The following GPC6 variants were observed in gnomAD, a reference collection of about 807,000 sequenced individuals.
The protein encoded by GPC6 is glypican-6.
Under a neutral mutation model 55.2 loss-of-function variants are expected in GPC6, and 14 were observed. The ratio of observed to expected loss-of-function variants is 0.25; its 90% confidence interval spans 0.17 to 0.40. GPC6 has a LOEUF of 0.40. Ranked by LOEUF, GPC6 falls within the 10% of genes least tolerant of loss-of-function variation. GPC6 has a pLI of 1.00. For missense variants in GPC6, 641 were observed against 708.5 expected, an observed-to-expected ratio of 0.90 and a Z score of 1.08; for synonymous variants, 278 against 259.6, an observed-to-expected ratio of 1.07 and a Z score of -0.68.
intron 1 of GPC6, among the ~76,000 whole-genome samples, chr13:93,377,328 T>C (rs1874951878): frequency 6.6e-6 from 1 of 152,160 alleles, no homozygotes; most frequent in Admixed American, 6.5e-5. Context: ...GTTATGAAGC[T>C]CTACATCTTG....
chr13:93,713,356 C>T (rs140314950), intron 2 of GPC6, among the ~76,000 whole-genome samples: 4 of 151,574 alleles, frequency 2.6e-5, no homozygotes, highest in Middle Eastern at 3.4e-3. Context: ...GTTAATAAAG[C>T]AAGATCTGGT....
chr13:93,848,569 T>C (rs1490485390), intron 3 of GPC6, among the ~76,000 whole-genome samples: 1 of 152,090 alleles, frequency 6.6e-6, no homozygotes. Context: ...GTCCTGGCAG[T>C]ATATTACTTA....
intron 4 of GPC6, among the ~76,000 whole-genome samples, chr13:94,059,678 T>C (rs1331116168): frequency 6.6e-6 from 1 of 151,946 alleles, no homozygotes; most frequent in Non-Finnish European, 1.5e-5. Context: ...GTGCTAGATT[T>C]GTTGTCTTGT....
At chr13:94,087,349 AC>A (rs1885324847) in intron 4 of GPC6, among the ~76,000 whole-genome samples, 1 of 152,240 alleles carries the variant, frequency 6.6e-6, no homozygotes, top group Non-Finnish European at 1.5e-5. Flanking sequence ...TGATTAAGTC[AC>A]CTCTAAGGTG....
At chr13:93,797,989 C>T (rs768887438) in intron 2 of GPC6, among the ~76,000 whole-genome samples, 6 of 152,054 alleles carry the variant, frequency 3.9e-5, no homozygotes, top group Non-Finnish European at 5.9e-5. Flanking sequence ...TTCTGAGGGA[C>T]GGAAGCACAG....
chr13:93,889,187 A>G (rs943685813), intron 3 of GPC6, among the ~76,000 whole-genome samples: 4 of 152,102 alleles, frequency 2.6e-5, no homozygotes, highest in African/African-American at 9.7e-5. Context: ...AAACATTTAT[A>G]TACTCACTGC....
intron 4 of GPC6, among the ~76,000 whole-genome samples, chr13:94,269,629 G>T (rs1891929855): frequency 1.3e-5 from 2 of 151,986 alleles, no homozygotes; most frequent in African/African-American, 4.8e-5. Flanking sequence ...GCTTTCATTT[G>T]TCTCGACCAC....
At chr13:94,340,872 C>T (rs1877999713) in intron 6 of GPC6, among the ~76,000 whole-genome samples, 2 of 152,184 alleles carry the variant, frequency 1.3e-5, no homozygotes, top group Admixed American at 6.5e-5. Context: ...TTAATATGCG[C>T]CCCTTGCTAA....
intron 3 of GPC6, among the ~76,000 whole-genome samples, chr13:93,848,133 C>CAAAAAAG (rs1225572671): frequency 2.0e-5 from 3 of 152,062 alleles, no homozygotes; most frequent in Non-Finnish European, 4.4e-5. Context: ...ACTTCTGAGT[C>CAAAAAAG]AAAAATCTTT....
intron 6 of GPC6, among the ~76,000 whole-genome samples, chr13:94,347,720 C>T (rs1311845906): frequency 1.3e-5 from 2 of 152,130 alleles, no homozygotes; most frequent in African/African-American, 2.4e-5. Context: ...GAAAAGGTAC[C>T]TTGTTATCAA....
At chr13:93,899,224 A>T (rs897759184) in intron 3 of GPC6, among the ~76,000 whole-genome samples, 1 of 151,880 alleles carries the variant, frequency 6.6e-6, no homozygotes, top group African/African-American at 2.4e-5. Context: ...CTGTGCAAAA[A>T]GCACTTCATA....
chr13:93,432,951 A>G (rs200092322), intron 1 of GPC6, among the ~76,000 whole-genome samples: 2 of 21,654 alleles, frequency 9.2e-5, no homozygotes, highest in Admixed American at 1.4e-3. Context: ...GCAGAAAAAA[A>G]GGAAAGAAAA....
intron 3 of GPC6, among the ~76,000 whole-genome samples, chr13:93,894,330 G>A (rs947778230): frequency 1.2e-4 from 19 of 152,076 alleles, no homozygotes; most frequent in South Asian, 4.2e-4. Flanking sequence ...TATTGGCTTT[G>A]TCATGGGATT....
chr13:93,841,349 G>C (rs941668853), intron 3 of GPC6, among the ~76,000 whole-genome samples: 1 of 152,142 alleles, frequency 6.6e-6, no homozygotes, highest in East Asian at 1.9e-4. Context: ...TTGTAAGAAA[G>C]AGGGGGGTAT....
intron 1 of GPC6, among the ~76,000 whole-genome samples, chr13:93,447,349 T>C (rs892878387): frequency 6.6e-6 from 1 of 152,124 alleles, no homozygotes; most frequent in African/African-American, 2.4e-5. Context: ...TTAGGAGAGA[T>C]TATGTTAACC....
At chr13:93,520,553 AAC>A (rs933169815) in intron 1 of GPC6, among the ~76,000 whole-genome samples, 7 of 151,934 alleles carry the variant, frequency 4.6e-5, no homozygotes, top group African/African-American at 1.7e-4. Flanking sequence ...AAAAAAAAAA[AAC>A]ACTTGAAGAT....
intron 3 of GPC6, among the ~76,000 whole-genome samples, chr13:93,911,070 A>G (rs1876949486): frequency 6.6e-6 from 1 of 152,198 alleles, no homozygotes; most frequent in African/African-American, 2.4e-5. Context: ...CTCTATTTCA[A>G]ACTCAAATAT....
intron 6 of GPC6, among the ~76,000 whole-genome samples, chr13:94,354,367 C>T (rs1878695012): frequency 6.6e-6 from 1 of 151,658 alleles, no homozygotes; most frequent in South Asian, 2.1e-4. Flanking sequence ...AAACAAGATA[C>T]CATTCTTTCC....
At chr13:93,406,764 C>A (rs183532472) in intron 1 of GPC6, among the ~76,000 whole-genome samples, 1 of 152,214 alleles carries the variant, frequency 6.6e-6, no homozygotes, top group East Asian at 1.9e-4. Flanking sequence ...AAGTATGCAA[C>A]TCCCATGTAC....
Sources: gnomAD v4.1 joint callset for allele counts (sites outside exome capture counted in the v4.1 genomes callset) on GRCh38, gnomAD v4.1.1 for gene constraint, MANE v1.5 for transcripts, NCBI Gene and HGNC (gene_info 2026-07-23, HGNC 2026-07-21) for gene names.